PTPRT: variants seen among roughly 807,000 people sequenced by gnomAD.
PTPRT encodes protein tyrosine phosphatase receptor type T.
PTPRT carries 56 observed loss-of-function variants against 176.8 expected under a neutral mutation model. The ratio of observed to expected loss-of-function variants is 0.32; its 90% confidence interval spans 0.26 to 0.40. The LOEUF (loss-of-function observed/expected upper bound fraction) is 0.40. Among genes scored for constraint, PTPRT ranks in the 10% least tolerant of loss-of-function variants. PTPRT has a pLI of 1.00. For synonymous variants in PTPRT, 783 were observed against 739.0 expected (o/e 1.06, Z -0.96); for missense variants, 1,540 against 1,908.2 (o/e 0.81, Z 3.60).
intron 1 of PTPRT, among the ~76,000 whole-genome samples, chr20:43,060,093 A>G (rs1274995265): frequency 2.0e-5 from 3 of 151,966 alleles, no homozygotes; most frequent in East Asian, 3.8e-4. Flanking sequence ...TTCCAGCCTC[A>G]TTATCCAGTT....
intron 1 of PTPRT, among the ~76,000 whole-genome samples, chr20:43,116,163 C>T (rs533101516): frequency 1.2e-4 from 18 of 152,178 alleles, no homozygotes; most frequent in Non-Finnish European, 2.2e-4. Flanking sequence ...TAATAACATT[C>T]GGCAGCTCAC....
intron 6 of PTPRT, among the ~76,000 whole-genome samples, chr20:42,723,163 C>T (rs13039155): frequency 0.069 from 10,494 of 152,202 alleles, 483 homozygotes; most frequent in Admixed American, 0.11. Context: ...AGGTCAATGC[C>T]TAACATATAA....
chr20:42,553,383 C>G (rs1217986722), intron 7 of PTPRT, among the ~76,000 whole-genome samples: 1 of 151,936 alleles, frequency 6.6e-6, no homozygotes, highest in Non-Finnish European at 1.5e-5. Flanking sequence ...CTATCTCCCC[C>G]TTCCACTCAC....
chr20:42,987,475 C>T (rs1300633556), intron 1 of PTPRT, among the ~76,000 whole-genome samples: 6 of 152,202 alleles, frequency 3.9e-5, no homozygotes, highest in Non-Finnish European at 5.9e-5. Flanking sequence ...ATCCCAACCC[C>T]TCATGGGGCC....
intron 7 of PTPRT, among the ~76,000 whole-genome samples, chr20:42,635,075 G>A (rs1307138959): frequency 1.3e-5 from 2 of 151,954 alleles, no homozygotes; most frequent in African/African-American, 4.8e-5. Context: ...GTTTCTCAGA[G>A]CTAATTTGAA....
intron 1 of PTPRT, among the ~76,000 whole-genome samples, chr20:43,156,216 G>C (rs989235999): frequency 1.3e-5 from 2 of 152,210 alleles, no homozygotes; most frequent in Non-Finnish European, 2.9e-5. Flanking sequence ...AGGAACCACA[G>C]ATCAAGTGGA....
At chr20:42,757,251 C>A (rs539674441) in intron 5 of PTPRT, among the ~76,000 whole-genome samples, 1 of 152,212 alleles carries the variant, frequency 6.6e-6, no homozygotes, top group Non-Finnish European at 1.5e-5. Context: ...AACTTTCCTC[C>A]CTATTTTCCT....
At chr20:42,709,986 G>C (rs1203160062) in intron 6 of PTPRT, among the ~76,000 whole-genome samples, 1 of 152,166 alleles carries the variant, frequency 6.6e-6, no homozygotes, top group African/African-American at 2.4e-5. Context: ...GATGACTTAG[G>C]GTAACTGGCA....
chr20:42,298,786 T>A (rs1386203220), intron 12 of PTPRT, among the ~76,000 whole-genome samples: 3 of 152,008 alleles, frequency 2.0e-5, no homozygotes, highest in Non-Finnish European at 2.9e-5. Flanking sequence ...CTGGGCATGG[T>A]GGTGGGTGCC....
chr20:43,045,690 C>T (rs1017434394), intron 1 of PTPRT, among the ~76,000 whole-genome samples: 21 of 151,086 alleles, frequency 1.4e-4, no homozygotes, highest in African/African-American at 4.9e-4. Context: ...CTCAAACTCC[C>T]GGGCTCAATC....
intron 2 of PTPRT, among the ~76,000 whole-genome samples, chr20:42,810,643 G>A (rs1240659372): frequency 6.6e-6 from 1 of 152,186 alleles, no homozygotes; most frequent in Non-Finnish European, 1.5e-5. Context: ...TTCAAGTACA[G>A]GTTGGATGGA....
intron 7 of PTPRT, among the ~76,000 whole-genome samples, chr20:42,580,228 A>G (rs2073346441): frequency 6.6e-6 from 1 of 152,146 alleles, no homozygotes; most frequent in Non-Finnish European, 1.5e-5. Context: ...ATATGGCATT[A>G]TTGCTGAGGT....
At chr20:42,897,612 AG>A (rs2079325498) in intron 1 of PTPRT, among the ~76,000 whole-genome samples, 1 of 152,240 alleles carries the variant, frequency 6.6e-6, no homozygotes, top group African/African-American at 2.4e-5. Context: ...GAGGTTAAGC[AG>A]CCCCCAGAAA....
intron 9 of PTPRT, among the ~76,000 whole-genome samples, chr20:42,388,222 C>T (rs1388344983): frequency 3.3e-5 from 5 of 152,192 alleles, no homozygotes; most frequent in African/African-American, 9.7e-5. Context: ...TGGGCAAGGA[C>T]TTCATGTCTG....
chr20:42,353,261 T>C (rs779698021), intron 9 of PTPRT, among the ~76,000 whole-genome samples: 1 of 152,172 alleles, frequency 6.6e-6, no homozygotes, highest in African/African-American at 2.4e-5. Context: ...CCAGGCCCCA[T>C]ATTCCAGACA....
intron 1 of PTPRT, among the ~76,000 whole-genome samples, chr20:43,119,188 C>T (rs1188897915): frequency 6.6e-6 from 1 of 152,180 alleles, no homozygotes; most frequent in Non-Finnish European, 1.5e-5. Context: ...AGGCATGACT[C>T]TGTTGTTTTA....
intron 1 of PTPRT, among the ~76,000 whole-genome samples, chr20:43,068,633 A>G (rs1034470589): frequency 6.6e-6 from 1 of 152,056 alleles, no homozygotes; most frequent in African/African-American, 2.4e-5. Context: ...GAGATTTAAG[A>G]GCAAGATCAA....
At chr20:42,513,834 A>G (rs1367760941) in intron 7 of PTPRT, among the ~76,000 whole-genome samples, 1 of 152,160 alleles carries the variant, frequency 6.6e-6, no homozygotes, top group Non-Finnish European at 1.5e-5. Context: ...GCAGTGATAA[A>G]CCTCCAATGA....
intron 15 of PTPRT, among the ~76,000 whole-genome samples, chr20:42,235,512 G>A (rs1294701381): frequency 3.3e-5 from 5 of 151,950 alleles, no homozygotes; most frequent in African/African-American, 4.8e-5. Flanking sequence ...CTGCCCTCTC[G>A]GCCTCCAAAG....
Sources: gnomAD v4.1 joint callset for allele counts (sites outside exome capture counted in the v4.1 genomes callset) on GRCh38, gnomAD v4.1.1 for gene constraint, MANE v1.5 for transcripts, NCBI Gene and HGNC (gene_info 2026-07-23, HGNC 2026-07-21) for gene names.